ZNF570: variants seen among roughly 807,000 people sequenced by gnomAD.
ZNF570 encodes the protein zinc finger protein 570.
Under a neutral mutation model 14.2 loss-of-function variants are expected in ZNF570, and 8 were observed. The observed-to-expected ratio is 0.56, with a 90% CI of 0.33 to 1.02. The LOEUF (loss-of-function observed/expected upper bound fraction) is 1.02, where lower values mean the gene tolerates loss of function less well. Ranked by LOEUF, ZNF570 falls within the 50% of genes least tolerant of loss-of-function variation. The pLI is 0.03. For missense variants in ZNF570, 559 were observed against 624.9 expected, an observed-to-expected ratio of 0.89 and a Z score of 1.12; for synonymous variants, 202 against 207.6, an observed-to-expected ratio of 0.97 and a Z score of 0.23.
intron 4 of ZNF570, among the ~76,000 whole-genome samples, chr19:37,476,787 G>T (rs28538699): frequency 0.21 from 30,796 of 143,934 alleles, 3,409 homozygotes; most frequent in South Asian, 0.32. Flanking sequence ...TCGGCTCACT[G>T]CAAGCTCCGC....
chr19:37,470,388 G>T lies in ZNF570; in HGVS notation c.33+1G>T. Reference sequence around the variant, plus strand: ...TGGGCTTCTTAAAGCCATGTACCAGGTGTGTTGGTGTTTTCTCGATTTCCT... The same window carrying T: ...TGGGCTTCTTAAAGCCATGTACCAGTTGTGTTGGTGTTTTCTCGATTTCCT... On this transcript the variant is annotated splice_donor_variant, in intron 2 of 4. Coordinates refer to ENST00000330173, the MANE Select transcript of ZNF570 (RefSeq NM_144694.5). LOFTEE classifies it high-confidence loss of function. The T allele has an allele frequency of 6.2e-7, 1 of 1,613,360 alleles. No individual in the cohort carries two copies. Among genetic ancestry groups the T allele is most frequent in the Non-Finnish European group, 8.5e-7 (1 of 1,179,506 alleles).
rs79869072 is a variant in ZNF570, at chr19:37,486,841, A to G, written c.*1608A>G. 1 of 152,312 alleles carries G rather than the reference A, an allele frequency of 6.6e-6. No individual in the cohort carries two copies. The highest frequency in any genetic ancestry group is 1.9e-4 in the East Asian group (1 of 5,186). 9.4% of individuals were successfully genotyped at this position (152,312 alleles called of 1,614,324 possible). A position where few individuals can be genotyped will look rare whatever the true frequency, so the allele number is the denominator to read the frequency against. The stretch of plus-strand genomic sequence containing the variant: ...GAACCTACATTTAAATCAAGGAAGG[A>G]ATAGAAATGGTCACAATTAACCAAA... On this transcript the variant is annotated 3_prime_UTR_variant, in exon 5 of 5. Coordinates refer to ENST00000330173, the MANE Select transcript of ZNF570 (RefSeq NM_144694.5).
chr19:37,476,371 T>C lies in ZNF570; in HGVS notation c.193T>C (p.Leu65=), dbSNP rs1459641841. 6.2e-7 allele frequency: 1 copy of C among 1,613,982 alleles called. No homozygotes were observed. Among genetic ancestry groups the C allele is most frequent in the Admixed American group, 1.7e-5 (1 of 59,978 alleles). The change falls in exon 4 of 5, where the codon TTG becomes CTG. Residue 65 remains leucine (L), a synonymous_variant. Coordinates refer to ENST00000330173, the MANE Select transcript of ZNF570 (RefSeq NM_144694.5). ...CTTTTCCAAACCAAGTGTGATATTATTGTTGGAACAAGGAAAAGCACCCTG... is the reference window on the plus strand; with the variant it reads ...CTTTTCCAAACCAAGTGTGATATTACTGTTGGAACAAGGAAAAGCACCCTG... ...LCFSKPSVIL[L]LEQGKAPWMV...
rs140343823 is a variant in ZNF570 at position 37,470,369 on chromosome 19, T to C, written c.15T>C (p.Leu5=). Residue 5 remains leucine, a synonymous_variant, in exon 2 of 5, where the codon CTT becomes CTC. Coordinates refer to ENST00000330173, the MANE Select transcript of ZNF570 (RefSeq NM_144694.5). ...AGGAAGAAAGAATGGCTGTTGGGCT[T>C]CTTAAAGCCATGTACCAGGTGTGTT... MAVG[L]LKAMYQELVT... 2 of 1,614,018 alleles carry C rather than the reference T, an allele frequency of 1.2e-6. No individual in the cohort carries two copies. Among genetic ancestry groups the C allele is most frequent in the African/African-American group, 2.7e-5 (2 of 74,938 alleles).
chr19:37,471,173 C>T (rs935546637), intron 2 of ZNF570, among the ~76,000 whole-genome samples: 1 of 151,586 alleles, frequency 6.6e-6, no homozygotes, highest in African/African-American at 2.4e-5. Context: ...ACCACCACGC[C>T]TGGCTAATTT....
chr19:37,478,873 C>T (rs2042055920), intron 4 of ZNF570, among the ~76,000 whole-genome samples: 1 of 151,224 alleles, frequency 6.6e-6, no homozygotes, highest in African/African-American at 2.4e-5. Context: ...ATCTTTATAT[C>T]TTTTCCACTT....
upstream of ZNF570, chr19:37,469,054 G>T: frequency 1.0e-6 from 1 of 996,146 alleles, no homozygotes. Context: ...GAGCGCTTGT[G>T]CCTGCGCACT....
intron 4 of ZNF570, among the ~76,000 whole-genome samples, chr19:37,482,701 G>A (rs901620285): frequency 1.3e-5 from 2 of 152,152 alleles, no homozygotes; most frequent in African/African-American, 2.4e-5. Context: ...TGTTGAGGGA[G>A]GGACCTGGTG....
Position 37,487,162 on chromosome 19 carries a change from A to G in ZNF570, c.*1929A>G, listed in dbSNP as rs2042163490. On this transcript the variant is annotated 3_prime_UTR_variant, in exon 5 of 5. Coordinates refer to ENST00000330173, the MANE Select transcript of ZNF570 (RefSeq NM_144694.5). ...GGTTGCAGTGAGCTGAGATCGTGCT[A>G]CTGCACCCCAGCCTGGGCAATACAG... 1 of 133,964 alleles carries G rather than the reference A, an allele frequency of 7.5e-6. No homozygotes were observed. Among genetic ancestry groups the G allele is most frequent in the Admixed American group, 8.9e-5 (1 of 11,264 alleles). The allele number at this position is 133,964 out of a possible 1,614,324, so 8.3% of individuals were successfully genotyped here.
chr19:37,475,030 C>G (rs978887913), intron 2 of ZNF570, among the ~76,000 whole-genome samples: 1 of 150,112 alleles, frequency 6.7e-6, no homozygotes, highest in South Asian at 2.1e-4. Flanking sequence ...GTGGCACAAT[C>G]TTGGCTCACT....
chr19:37,469,693 C>T, intron 1 of ZNF570, 136 bp downstream of exon 1: 1 of 896,788 alleles, frequency 1.1e-6, no homozygotes, highest in Non-Finnish European at 1.7e-6. Context: ...TTCGCTGCAC[C>T]TTGTTGGGCC....
upstream of ZNF570, among the ~76,000 whole-genome samples, chr19:37,468,540 G>A (rs2041891752): frequency 6.6e-6 from 1 of 152,058 alleles, no homozygotes; most frequent in East Asian, 2.0e-4. Flanking sequence ...CTGTCGCTCA[G>A]GCTGGAGTGC....
chr19:37,468,761 CT>C (rs1309784350), upstream of ZNF570, among the ~76,000 whole-genome samples: 3 of 152,332 alleles, frequency 2.0e-5, no homozygotes, highest in Non-Finnish European at 4.4e-5. Flanking sequence ...CCACCTTGGC[CT>C]TCCAAAGTGC....
chr19:37,474,059 C>A (rs942260407), intron 2 of ZNF570, among the ~76,000 whole-genome samples: 1 of 152,128 alleles, frequency 6.6e-6, no homozygotes, highest in Non-Finnish European at 1.5e-5. Context: ...CAGGGGAAGT[C>A]GTTCTCTCAG....
rs2042146428 is a variant in ZNF570 at position 37,485,553 on chromosome 19, C to T, written c.*320C>T. 4.4e-6 allele frequency: 1 copy of T among 228,252 alleles called. No individual in the cohort carries two copies. Among genetic ancestry groups the T allele is most frequent in the Non-Finnish European group, 8.5e-6 (1 of 117,022 alleles). The allele number at this position is 228,252 out of a possible 1,614,324, so 14.1% of individuals were successfully genotyped here. ...TCTCATGCATCAGCCTCCCGAGTAG[C>T]TGGGACTATAGACATGCACCACCAT... On this transcript the variant is annotated 3_prime_UTR_variant, in exon 5 of 5. Coordinates refer to ENST00000330173, the MANE Select transcript of ZNF570 (RefSeq NM_144694.5).
chr19:37,468,071 G>GT (rs35295578), upstream of ZNF570: 108,914 of 572,396 alleles, frequency 0.19, 3,012 homozygotes, highest in South Asian at 0.26. Flanking sequence ...TGCCTTTCGT[G>GT]TTTTTTTTTT....
In ZNF570 at chr19:37,483,901, T is replaced by A; in HGVS notation, c.279T>A (p.Thr93=). The A allele has an allele frequency of 1.2e-6, 2 of 1,611,038 alleles. No individual in the cohort carries two copies. Among genetic ancestry groups the A allele is most frequent in the Non-Finnish European group, 1.7e-6 (2 of 1,178,886 alleles). The change falls in exon 5 of 5, where the codon ACT becomes ACA. Residue 93 remains threonine (T), a synonymous_variant. Transcript: ENST00000330173. ...LCSGWEPICE[T]EELTPKQDFY... The stretch of plus-strand genomic sequence containing the variant: ...CAGGCTGGGAGCCTATATGTGAGAC[T>A]GAAGAATTAACCCCAAAGCAGGATT...
intron 4 of ZNF570, among the ~76,000 whole-genome samples, chr19:37,482,825 C>T (rs1020369848): frequency 2.6e-5 from 4 of 151,362 alleles, no homozygotes; most frequent in Non-Finnish European, 4.4e-5. Context: ...TTCTCTCTCT[C>T]TCTCTCTCTC....
At chr19:37,476,971 G>C (rs1234817146) in intron 4 of ZNF570, among the ~76,000 whole-genome samples, 2 of 152,002 alleles carry the variant, frequency 1.3e-5, no homozygotes, top group Non-Finnish European at 2.9e-5. Flanking sequence ...CTTCCAAAGT[G>C]CTGGCATTAC....
Sources: allele counts gnomAD v4.1 joint callset (sites outside exome capture counted in the v4.1 genomes callset), GRCh38; gene constraint gnomAD v4.1.1; transcripts MANE v1.5; gene names NCBI Gene and HGNC (gene_info 2026-07-23, HGNC 2026-07-21).